ACAA1: variants seen among roughly 807,000 people sequenced by gnomAD.
The protein encoded by ACAA1 is acetyl-CoA acyltransferase 1, also known as 3-ketoacyl-CoA thiolase, peroxisomal.
In ACAA1, 44 loss-of-function variants were observed where a neutral mutation model predicts 48.8. The observed-to-expected ratio is 0.90, with a 90% CI of 0.71 to 1.16. The LOEUF is 1.16. Ranked by LOEUF, ACAA1 falls within the 50% of genes most tolerant of loss-of-function variation. ACAA1 has a pLI of 0.00. For synonymous variants in ACAA1, 233 were observed against 226.5 expected (o/e 1.03, Z -0.26); for missense variants, 512 against 562.3 (o/e 0.91, Z 0.90).
In ACAA1 at chr3:38,137,094, G is replaced by T; in HGVS notation, c.-59C>A. On this transcript the variant is annotated 5_prime_UTR_variant, in exon 1 of 12. In the 5' UTR this introduces an upstream ATG that the reference lacks. Coordinates refer to ENST00000333167, the MANE Select transcript of ACAA1 (RefSeq NM_001607.4). ...CCGGGAACTGACCGCGGAGTTAACA[G>T]ACAGCCGTCCGCACACGCGCAGAAC... 2.9e-6 allele frequency: 4 copies of T among 1,386,580 alleles called. No individual in the cohort carries two copies. Among genetic ancestry groups the T allele is most frequent in the South Asian group, 2.7e-5 (2 of 75,070 alleles). 85.9% of individuals were successfully genotyped at this position (1,386,580 alleles called of 1,614,324 possible). A position where few individuals can be genotyped will look rare whatever the true frequency, so the allele number is the denominator to read the frequency against.
rs374397648 is a variant in ACAA1, at chr3:38,123,021, G to A, written c.*26C>T. 4.4e-5 allele frequency: 71 copies of A among 1,612,046 alleles called. No homozygotes were observed. The highest frequency in any genetic ancestry group is 9.3e-5 in the African/African-American group (7 of 74,882). On this transcript the variant is annotated 3_prime_UTR_variant, in exon 12 of 12. Transcript: ENST00000333167. Reference sequence around the variant, plus strand: ...CTGCTAGAGCAGCAGGACTGTCTGCGTAGCGCCTCCAGCCTGGGACCTCAC... The same window carrying A: ...CTGCTAGAGCAGCAGGACTGTCTGCATAGCGCCTCCAGCCTGGGACCTCAC...
chr3:38,133,447 C>G (rs1439275496), intron 3 of ACAA1: 1 of 153,460 alleles, frequency 6.5e-6, no homozygotes, highest in Non-Finnish European at 1.5e-5. Flanking sequence ...CAAAGCCAAG[C>G]AGTTCTTAAA....
chr3:38,133,241 C>A (rs1444005893), intron 3 of ACAA1, among the ~76,000 whole-genome samples: 1 of 152,146 alleles, frequency 6.6e-6, no homozygotes, highest in Non-Finnish European at 1.5e-5. Context: ...AGTAGGCCCA[C>A]AGCCGGCTGA....
chr3:38,131,155 C>G (rs1056543816), intron 5 of ACAA1, among the ~76,000 whole-genome samples: 3 of 152,192 alleles, frequency 2.0e-5, no homozygotes, highest in Admixed American at 6.5e-5. Context: ...CACACTGGTT[C>G]CAAGGTGGGG....
intron 6 of ACAA1, among the ~76,000 whole-genome samples, chr3:38,128,350 C>A (rs974412415): frequency 6.6e-5 from 10 of 152,202 alleles, no homozygotes; most frequent in Non-Finnish European, 1.3e-4. Context: ...TTCCTGGTCA[C>A]CTTGGCTGGG....
chr3:38,133,508 G>A (rs925904073), intron 3 of ACAA1: 6 of 162,310 alleles, frequency 3.7e-5, no homozygotes, highest in Admixed American at 6.1e-5. Context: ...GCGCTTAAAG[G>A]AAAGTTGACC....
chr3:38,135,771 A>G (rs1700878686), intron 2 of ACAA1, among the ~76,000 whole-genome samples: 1 of 152,146 alleles, frequency 6.6e-6, no homozygotes, highest in African/African-American at 2.4e-5. Flanking sequence ...TCAACTGCAA[A>G]GAGGCCTTCC....
Sources: gnomAD v4.1 joint callset for allele counts (sites outside exome capture counted in the v4.1 genomes callset) on GRCh38, gnomAD v4.1.1 for gene constraint, MANE v1.5 for transcripts, NCBI Gene and HGNC (gene_info 2026-07-23, HGNC 2026-07-21) for gene names.